The following CYP2U1 variants were observed in gnomAD, a reference collection of about 807,000 sequenced individuals.
The protein encoded by CYP2U1 is cytochrome P450 2U1.
Under a neutral mutation model 42.8 loss-of-function variants are expected in CYP2U1, and 28 were observed. That is an observed-to-expected ratio of 0.65 (90% confidence interval 0.48 to 0.90). The LOEUF is 0.90. CYP2U1 is among the 40% of genes least tolerant of loss of function. The pLI is 0.00. For synonymous variants in CYP2U1, 296 were observed against 278.9 expected (o/e 1.06, Z -0.61); for missense variants, 642 against 693.8 (o/e 0.93, Z 0.84).
intron 1 of CYP2U1, chr4:107,940,765 C>T (rs1733464508): frequency 6.6e-6 from 1 of 151,840 alleles, no homozygotes. Context: ...GAACATTCAC[C>T]CTGTTTGTCT....
At chr4:107,944,852 T>TATATATATATATATATATATATATATG (rs536313224) in intron 1 of CYP2U1, 118 bp from the exon 2 acceptor site, 1 of 98,734 alleles carries the variant, frequency 1.0e-5, no homozygotes, top group African/African-American at 6.5e-5. Context: ...ATATATATAT[T>TATATATATATATATATATATATATATG]TATATGAGGA....
Position 107,949,345 on chromosome 4 carries a change from T to C in CYP2U1, c.1289-5T>C, listed in dbSNP as rs1172856247. 1 of 1,499,858 alleles carries C rather than the reference T, an allele frequency of 6.7e-7. No homozygotes were observed. Among genetic ancestry groups the C allele is most frequent in the African/African-American group, 1.4e-5 (1 of 70,566 alleles). The allele number at this position is 1,499,858 out of a possible 1,614,324, so 92.9% of individuals were successfully genotyped here. On this transcript the variant is annotated splice_region_variant and splice_polypyrimidine_tract_variant and intron_variant, in intron 3 of 4. Transcript: ENST00000332884. ...ATAACACCCATATGTTTCCTTTTGT[T>C]TTAGTGCTCCAAGGGTATACCATTC...
intron 1 of CYP2U1, among the ~76,000 whole-genome samples, chr4:107,941,774 A>G (rs1299207475): frequency 6.6e-6 from 1 of 152,140 alleles, no homozygotes; most frequent in African/African-American, 2.4e-5. Flanking sequence ...AACATTATGT[A>G]TTATAATAAA....
In CYP2U1 at chr4:107,947,437, C is replaced by G; in HGVS notation, c.1188C>G (p.Asp396Glu). 6.2e-7 allele frequency: 1 copy of G among 1,614,140 alleles called. No homozygotes were observed. The highest frequency in any genetic ancestry group is 8.5e-7 in the Non-Finnish European group (1 of 1,180,004). The change falls in exon 3 of 5, where the codon GAC becomes GAG. Residue 396 changes from aspartate to glutamate, a missense_variant. Asp to Glu is a conservative substitution (Grantham distance 45). Transcript: ENST00000332884. Reference protein sequence around the residue: ...IGANRAPSLTDKAQMPYTEAT... With the variant: ...IGANRAPSLTEKAQMPYTEAT... ...CCAACCGAGCTCCTTCCCTCACAGA[C>G]AAGGCCCAGATGCCCTACACAGAAG...
At chr4:107,948,817 A>G (rs898034442) in intron 3 of CYP2U1, among the ~76,000 whole-genome samples, 1 of 152,124 alleles carries the variant, frequency 6.6e-6, no homozygotes, top group African/African-American at 2.4e-5. Context: ...ACATTGGATC[A>G]CTTAACGGGT....
rs1733741265 is a variant in CYP2U1, at chr4:107,947,491, T to A, written c.1242T>A (p.Thr414=). The part of the protein sequence containing the change: ...EATIMEVQRL[T]VVVPLAIPHM... ...CCATCATGGAAGTGCAGAGGCTAAC[T>A]GTGGTGGTGCCGCTTGCCATTCCTC... The change falls in exon 3 of 5, where the codon ACT becomes ACA. Residue 414 remains threonine, a synonymous_variant. Coordinates refer to ENST00000332884, the MANE Select transcript of CYP2U1 (RefSeq NM_183075.3). 1.9e-6 allele frequency: 3 copies of A among 1,613,966 alleles called. No individual in the cohort carries two copies. The highest frequency in any genetic ancestry group is 1.7e-5 in the Admixed American group (1 of 59,986).
At position 107,953,379 on chromosome 4, in the gene CYP2U1, G is replaced by C. The variant is rs1295155789; in HGVS notation, c.*2956G>C. The C allele has an allele frequency of 6.6e-6, 1 of 152,086 alleles. No individual in the cohort carries two copies. Among genetic ancestry groups the C allele is most frequent in the African/African-American group, 2.4e-5 (1 of 41,416 alleles). The allele number at this position is 152,086 out of a possible 1,614,324, so 9.4% of individuals were successfully genotyped here. On this transcript the variant is annotated 3_prime_UTR_variant, in exon 5 of 5. Coordinates refer to ENST00000332884, the MANE Select transcript of CYP2U1 (RefSeq NM_183075.3). ...TGAAATCAAAAAATAACTATACTTT[G>C]TTTTATAAGTCTACCTAATATCTCA... is the stretch of plus-strand genomic sequence containing the variant.
chr4:107,945,418 C>A lies in CYP2U1; in HGVS notation c.939C>A (p.Asn313Lys). The A allele has an allele frequency of 6.2e-7, 1 of 1,613,910 alleles. No homozygotes were observed. The highest frequency in any genetic ancestry group is 8.5e-7 in the Non-Finnish European group (1 of 1,179,968). The change falls in exon 2 of 5, where the codon AAC becomes AAA. Residue 313 changes from asparagine to lysine, a missense_variant. Transcript: ENST00000332884. ...KDHQESLDRE[N>K]PQDFIDMYLL... ...ATCAAGAGTCTCTGGATAGAGAGAA[C>A]CCTCAGGACTTCATAGACATGTACC...
intron 1 of CYP2U1, among the ~76,000 whole-genome samples, chr4:107,934,796 T>G (rs949596504): frequency 1.3e-5 from 2 of 152,226 alleles, no homozygotes; most frequent in African/African-American, 4.8e-5. Context: ...ACTTCTTACT[T>G]GACTGATTGC....
At chr4:107,936,042 A>G (rs749652092) in intron 1 of CYP2U1, 1 of 152,226 alleles carries the variant, frequency 6.6e-6, no homozygotes, top group Non-Finnish European at 1.5e-5. Flanking sequence ...TCCAGAATGT[A>G]GGAATTTTAT....
At position 107,951,493 on chromosome 4, in the gene CYP2U1, C is replaced by T. The variant is rs1045873577; in HGVS notation, c.*1070C>T. On this transcript the variant is annotated 3_prime_UTR_variant, in exon 5 of 5. Transcript: ENST00000332884. ...ATGGTCCCTCTGGAAAAGCAGTTTT[C>T]AGCAGGGGTGGTAACCCCTTCAGAG... 2 of 152,174 alleles carry T rather than the reference C, an allele frequency of 1.3e-5. No individual in the cohort carries two copies. Among genetic ancestry groups the T allele is most frequent in the African/African-American group, 4.8e-5 (2 of 41,440 alleles). The allele number at this position is 152,174 out of a possible 1,614,324, so 9.4% of individuals were successfully genotyped here.
rs1416227245 is a variant in CYP2U1 at position 107,952,349 on chromosome 4, G to C, written c.*1926G>C. On this transcript the variant is annotated 3_prime_UTR_variant, in exon 5 of 5. Transcript: ENST00000332884. ...TAGAACGATGCCTTAGCTGTTTATA[G>C]GTAACAGAATGTAAACTCCCACCAC... 1 of 152,154 alleles carries C rather than the reference G, an allele frequency of 6.6e-6. No homozygotes were observed. Among genetic ancestry groups the C allele is most frequent in the Non-Finnish European group, 1.5e-5 (1 of 68,032 alleles). The allele number at this position is 152,154 out of a possible 1,614,324, so 9.4% of individuals were successfully genotyped here. A position where few individuals can be genotyped will look rare whatever the true frequency, so the allele number is the denominator to read the frequency against.
chr4:107,951,804 C>T lies in CYP2U1; in HGVS notation c.*1381C>T, dbSNP rs1330840273. ...CCTCATGCTGGCTCTACACTTAATC[C>T]TTTACTTGTATGTTTCTGTAATTCT... is the stretch of plus-strand genomic sequence containing the variant. On this transcript the variant is annotated 3_prime_UTR_variant, in exon 5 of 5. Transcript: ENST00000332884. 3 of 152,176 alleles carry T rather than the reference C, an allele frequency of 2.0e-5. No individual in the cohort carries two copies. Among genetic ancestry groups the T allele is most frequent in the Non-Finnish European group, 2.9e-5 (2 of 68,022 alleles). 9.4% of individuals were successfully genotyped at this position (152,176 alleles called of 1,614,324 possible). A position where few individuals can be genotyped will look rare whatever the true frequency, so the allele number is the denominator to read the frequency against.
intron 3 of CYP2U1, among the ~76,000 whole-genome samples, chr4:107,948,930 G>T (rs1733811414): frequency 6.6e-6 from 1 of 152,062 alleles, no homozygotes; most frequent in South Asian, 2.1e-4. Flanking sequence ...TGGCTACCCT[G>T]TATATTTCTT....
intron 4 of CYP2U1, 30 bp from the exon 5 acceptor site, chr4:107,950,215 T>G (rs1733860576): frequency 1.3e-6 from 2 of 1,568,670 alleles, no homozygotes; most frequent in African/African-American, 1.4e-5. Context: ...GGTATTATAA[T>G]CCTTCATTTT....
In CYP2U1 at chr4:107,945,029, A is replaced by G. The variant is rs1342445228; in HGVS notation, c.550A>G (p.Thr184Ala). 3.7e-6 allele frequency: 6 copies of G among 1,612,676 alleles called. No homozygotes were observed. Among genetic ancestry groups the G allele is most frequent in the Non-Finnish European group, 5.1e-6 (6 of 1,179,714 alleles). ...ACAACAAAGGAAGTTCTCTCATTCA[A>G]CTCTTCGTCATTTTGGGTTGGGAAA... ...WRQQRKFSHS[T>A]LRHFGLGKLS... is the part of the protein sequence containing the mutation. Residue 184 changes from threonine to alanine, a missense_variant, in exon 2 of 5, where the codon ACT becomes GCT. Coordinates refer to ENST00000332884, the MANE Select transcript of CYP2U1 (RefSeq NM_183075.3).
Position 107,932,015 on chromosome 4 carries a change from C to T in CYP2U1, c.372C>T (p.His124=), listed in dbSNP as rs375489915. The T allele has an allele frequency of 1.6e-4, 251 of 1,560,898 alleles. 7 individuals carry two copies. The highest frequency in any genetic ancestry group is 1.1e-3 in the East Asian group (46 of 41,504). ...YGSIFSFFIG[H]YLVVVLSDFH... ...GCATCTTCAGCTTCTTTATCGGCCA[C>T]TACCTGGTGGTGGTCCTCAGCGACT... The change falls in exon 1 of 5, where the codon CAC becomes CAT. Residue 124 remains histidine (H), a synonymous_variant. Transcript: ENST00000332884.
chr4:107,948,095 C>G (rs1041679579), intron 3 of CYP2U1, among the ~76,000 whole-genome samples: 3 of 151,812 alleles, frequency 2.0e-5, no homozygotes, highest in Non-Finnish European at 4.4e-5. Flanking sequence ...TGGTGAAACC[C>G]CATCCCTACT....
chr4:107,932,271 T>C (rs1733034544), intron 1 of CYP2U1, 138 bp downstream of exon 1: 3 of 1,393,968 alleles, frequency 2.2e-6, no homozygotes, highest in Non-Finnish European at 1.9e-6. Context: ...AACTAACAGG[T>C]GATGGTGGTG....
Sources: gnomAD v4.1 joint callset for allele counts (sites outside exome capture counted in the v4.1 genomes callset) on GRCh38, gnomAD v4.1.1 for gene constraint, MANE v1.5 for transcripts, NCBI Gene and HGNC (gene_info 2026-07-23, HGNC 2026-07-21) for gene names.